Variants in DNM1 observed in about 807,000 individuals in gnomAD.
The protein encoded by DNM1 is dynamin 1.
Under a neutral mutation model 104.6 loss-of-function variants are expected in DNM1, and 29 were observed. The ratio of observed to expected loss-of-function variants is 0.28; its 90% CI spans 0.21 to 0.38. The LOEUF (loss-of-function observed/expected upper bound fraction) is 0.38, where lower values mean the gene tolerates loss of function less well. DNM1 is among the 10% of genes least tolerant of loss of function. DNM1 has a pLI of 1.00. For synonymous variants in DNM1, 445 were observed against 475.8 expected, an observed-to-expected ratio of 0.94 and a Z score of 0.84; for missense variants, 640 against 1,189.4, an observed-to-expected ratio of 0.54 and a Z score of 6.79.
At position 128,218,930 on chromosome 9, in the gene DNM1, CT is replaced by C; in HGVS notation, c.386-118del. The C allele has an allele frequency of 7.5e-7, 1 of 1,326,182 alleles. No individual in the cohort carries two copies. 82.2% of individuals were successfully genotyped at this position (1,326,182 alleles called of 1,614,324 possible). On this transcript the variant is annotated intron_variant, in intron 3 of 21. Coordinates refer to ENST00000372923, the MANE Select transcript of DNM1 (RefSeq NM_004408.4). This position sits in a 1 kb window ranked among gnomAD's most constrained non-coding sequence, Gnocchi z 4.8. ...ACTGCCACTTTCGCCCTGAGATTTC[CT>C]AGTCCCACCCACCTGCCACCCTGCT...
At chr9:128,241,049 T>TGA (rs1836334088) in intron 14 of DNM1, 1 of 152,224 alleles carries the variant, frequency 6.6e-6, no homozygotes, top group African/African-American at 2.4e-5. Flanking sequence ...CAGGAAGGGG[T>TGA]GAGAGAGGCA....
Position 128,220,019 on chromosome 9 carries a change from G to C in DNM1, c.621G>C (p.Leu207=), listed in dbSNP as rs1834849489. The part of the protein sequence containing the change: ...GQRTIGVITK[L]DLMDEGTDAR... The stretch of plus-strand genomic sequence containing the variant: ...GCACCATCGGGGTCATCACCAAGCT[G>C]GACCTGATGGACGAGGGCACAGATG... The change falls in exon 5 of 22, where the codon CTG becomes CTC. Residue 207 remains leucine, a synonymous_variant. Transcript: ENST00000372923. This position sits in a 1 kb window ranked among gnomAD's most constrained non-coding sequence, Gnocchi z 5.2. 6.3e-7 allele frequency: 1 copy of C among 1,599,520 alleles called. No individual in the cohort carries two copies. Among genetic ancestry groups the C allele is most frequent in the Non-Finnish European group, 8.5e-7 (1 of 1,172,746 alleles).
rs540152796 is a variant in DNM1 at position 128,203,673 on chromosome 9, G to A, written c.161+42G>A. The A allele has an allele frequency of 2.0e-6, 3 of 1,471,380 alleles. No homozygotes were observed. Among genetic ancestry groups the A allele is most frequent in the African/African-American group, 1.5e-5 (1 of 68,324 alleles). 91.1% of individuals were successfully genotyped at this position (1,471,380 alleles called of 1,614,324 possible). A position where few individuals can be genotyped will look rare whatever the true frequency, so the allele number is the denominator to read the frequency against. ...CCCAGGCGCCGACCCCCGACCCCCG[G>A]GATCCCTGGAGTCCCCGCCCGGGGC... On this transcript the variant is annotated intron_variant, in intron 1 of 21. Transcript: ENST00000372923. The surrounding 1 kb of genome is among the most constrained non-coding windows in gnomAD (Gnocchi z 5.3).
intron 15 of DNM1, among the ~76,000 whole-genome samples, chr9:128,242,715 G>C (rs369353020): frequency 2.0e-5 from 3 of 152,060 alleles, no homozygotes; most frequent in Admixed American, 6.5e-5. Context: ...AGCCGAGATC[G>C]CACCATTGCA....
Position 128,254,574 on chromosome 9 carries a change from GCCGT to G in DNM1, c.2535-79_2535-76del. On this transcript the variant is annotated intron_variant, in intron 21 of 21. Coordinates refer to ENST00000372923, the MANE Select transcript of DNM1 (RefSeq NM_004408.4). This position sits in a 1 kb window ranked among gnomAD's most constrained non-coding sequence, Gnocchi z 6.1. Reference sequence around the variant, plus strand: ...CACTGCTGCGGCGCGGCCGGCCCCGGCCGTGTGCTGCGCTTGCCTTACCAGCTCT... The same window carrying G: ...CACTGCTGCGGCGCGGCCGGCCCCGGGTGCTGCGCTTGCCTTACCAGCTCT... The G allele has an allele frequency of 1.3e-6, 2 of 1,588,444 alleles. No homozygotes were observed. Among genetic ancestry groups the G allele is most frequent in the Non-Finnish European group, 1.7e-6 (2 of 1,174,126 alleles).
intron 4 of DNM1, among the ~76,000 whole-genome samples, chr9:128,219,608 G>A (rs989976170): frequency 1.3e-5 from 2 of 152,094 alleles, no homozygotes; most frequent in Non-Finnish European, 2.9e-5. Flanking sequence ...GGTTGAGGCT[G>A]CAGTGAGCCC....
chr9:128,209,339 C>T (rs1453957805), intron 1 of DNM1, among the ~76,000 whole-genome samples: 1 of 152,042 alleles, frequency 6.6e-6, no homozygotes, highest in Non-Finnish European at 1.5e-5. Flanking sequence ...AATTGAGTTT[C>T]CCAGGCCCTG....
chr9:128,220,152 G>C lies in DNM1; in HGVS notation c.689-29G>C. The C allele has an allele frequency of 6.2e-7, 1 of 1,613,626 alleles. No individual in the cohort carries two copies. Among genetic ancestry groups the C allele is most frequent in the Admixed American group, 1.7e-5 (1 of 60,006 alleles). ...CCACCCTTCCCCTCCTCTTGAGGCT[G>C]GTTGCCCTGACCTTGATACTGTTCA... On this transcript the variant is annotated intron_variant, in intron 5 of 21. Transcript: ENST00000372923. The surrounding 1 kb of genome is among the most constrained non-coding windows in gnomAD (Gnocchi z 5.2).
chr9:128,250,690 G>T, intron 20 of DNM1, 35 bp from the exon 21 acceptor site: 1 of 1,444,644 alleles, frequency 6.9e-7, no homozygotes, highest in Non-Finnish European at 9.1e-7. Context: ...TGCTCATCTC[G>T]CCTCTCCTTG....
chr9:128,219,925 G>A, intron 4 of DNM1, 63 bp from the exon 5 acceptor site: 2 of 1,325,766 alleles, frequency 1.5e-6, no homozygotes, highest in African/African-American at 1.4e-5. Context: ...GGGAGTGGGA[G>A]TGCATGGAAT....
At chr9:128,217,708 C>A (rs1457419684) in intron 1 of DNM1, among the ~76,000 whole-genome samples, 1 of 152,216 alleles carries the variant, frequency 6.6e-6, no homozygotes, top group South Asian at 2.1e-4. Flanking sequence ...TGAGCCACCG[C>A]GCCCGGCCCA....
chr9:128,247,634 T>A lies in DNM1; in HGVS notation c.1893+148T>A. 1.3e-6 allele frequency: 1 copy of A among 742,306 alleles called. No homozygotes were observed. The allele number at this position is 742,306 out of a possible 1,614,324, so 46.0% of individuals were successfully genotyped here. On this transcript the variant is annotated intron_variant, in intron 17 of 21. Transcript: ENST00000372923. This position sits in a 1 kb window ranked among gnomAD's most constrained non-coding sequence, Gnocchi z 5.1. ...TCCTCCCCCCTACCCACTCTGGGGG[T>A]GGGAACAGAGATAAGTCTCCTGGTA...
Position 128,240,025 on chromosome 9 carries a change from T to C in DNM1, c.1557+29T>C. ...AGTACCAGGACTGGGGCTCTCGGCTTGTGTAGTGAGGGGGCGGAGGGTCCA... is the reference window on the plus strand; with the variant it reads ...AGTACCAGGACTGGGGCTCTCGGCTCGTGTAGTGAGGGGGCGGAGGGTCCA... On this transcript the variant is annotated intron_variant, in intron 14 of 21. Coordinates refer to ENST00000372923, the MANE Select transcript of DNM1 (RefSeq NM_004408.4). The surrounding 1 kb of genome is among the most constrained non-coding windows in gnomAD (Gnocchi z 5.1). 6.2e-7 allele frequency: 1 copy of C among 1,613,944 alleles called. No individual in the cohort carries two copies. The highest frequency in any genetic ancestry group is 8.5e-7 in the Non-Finnish European group (1 of 1,179,890).
Position 128,234,114 on chromosome 9 carries a change from C to A in DNM1, c.1422+7C>A, listed in dbSNP as rs761674210. On this transcript the variant is annotated splice_region_variant and intron_variant, in intron 11 of 21. Transcript: ENST00000372923. ...GGGCCGCACTAAGGAGCAGGTGAGC[C>A]CCGCAGCACCCGGCCTGGCCGCGCC... is the stretch of plus-strand genomic sequence containing the variant. The A allele has an allele frequency of 2.3e-5, 35 of 1,529,836 alleles. No homozygotes were observed. The highest frequency in any genetic ancestry group is 2.2e-4 in the Admixed American group (11 of 49,410). The allele number at this position is 1,529,836 out of a possible 1,614,324, so 94.8% of individuals were successfully genotyped here.
In DNM1 at chr9:128,220,546, C is replaced by T. The variant is rs1834877428; in HGVS notation, c.849+205C>T. Among the ~76,000 whole-genome samples the T allele has an allele frequency of 6.6e-6, 1 of 152,172 alleles. No homozygotes were observed. Reference sequence around the variant, plus strand: ...CTGACCTTTCCCTGTCTGGGACCTGCCAGGGAAGCCCTGGAAGTCCCCAAC... The same window carrying T: ...CTGACCTTTCCCTGTCTGGGACCTGTCAGGGAAGCCCTGGAAGTCCCCAAC... On this transcript the variant is annotated intron_variant, in intron 6 of 21. Transcript: ENST00000372923. The surrounding 1 kb of genome is among the most constrained non-coding windows in gnomAD (Gnocchi z 5.2).
chr9:128,224,128 A>G lies in DNM1; in HGVS notation c.1197-123A>G, dbSNP rs1835191950. 1 of 1,272,032 alleles carries G rather than the reference A, an allele frequency of 7.9e-7. No individual in the cohort carries two copies. The highest frequency in any genetic ancestry group is 1.1e-6 in the Non-Finnish European group (1 of 938,874). 78.8% of individuals were successfully genotyped at this position (1,272,032 alleles called of 1,614,324 possible). A position where few individuals can be genotyped will look rare whatever the true frequency, so the allele number is the denominator to read the frequency against. On this transcript the variant is annotated intron_variant, in intron 9 of 21. Transcript: ENST00000372923. The surrounding 1 kb of genome is among the most constrained non-coding windows in gnomAD (Gnocchi z 4.3). ...TTTACAACTGGGGACACTGAGGCCCAGAGAGGGGTAGTGGAAGGGCCCCTC... is the reference window on the plus strand; with the variant it reads ...TTTACAACTGGGGACACTGAGGCCCGGAGAGGGGTAGTGGAAGGGCCCCTC...
Position 128,248,600 on chromosome 9 carries a change from G to A in DNM1, c.1923G>A (p.Glu641=). ...GDKEKASETE[E]NGSDSFMHSM... is the part of the protein sequence containing the mutation. ...CATGGCAGGCCAGCGAGACCGAGGA[G>A]AATGGCTCCGACAGCTTCATGCATT... is the stretch of plus-strand genomic sequence containing the variant. The change falls in exon 19 of 22, where the codon GAG becomes GAA. Residue 641 remains glutamate (E), a synonymous_variant. Transcript: ENST00000372923. This position sits in a 1 kb window ranked among gnomAD's most constrained non-coding sequence, Gnocchi z 5.6. 6.2e-7 allele frequency: 1 copy of A among 1,613,856 alleles called. No homozygotes were observed. The highest frequency in any genetic ancestry group is 8.5e-7 in the Non-Finnish European group (1 of 1,179,788).
In DNM1 at chr9:128,253,014, G is replaced by A. The variant is rs549885794; in HGVS notation, c.2535-1640G>A. ...CCTCACAGCATGTGTGTGCACGCCCGGGCGTGTGCGTGTGTGTGTCCCCCA... is the reference window on the plus strand; with the variant it reads ...CCTCACAGCATGTGTGTGCACGCCCAGGCGTGTGCGTGTGTGTGTCCCCCA... On this transcript the variant is annotated intron_variant, in intron 21 of 21. Coordinates refer to ENST00000372923, the MANE Select transcript of DNM1 (RefSeq NM_004408.4). The surrounding 1 kb of genome is among the most constrained non-coding windows in gnomAD (Gnocchi z 5.9). 3.2e-5 allele frequency: 42 copies of A among 1,332,312 alleles called. No homozygotes were observed. The highest frequency in any genetic ancestry group is 2.3e-4 in the African/African-American group (16 of 69,554). The allele number at this position is 1,332,312 out of a possible 1,614,324, so 82.5% of individuals were successfully genotyped here.
intron 10 of DNM1, chr9:128,225,928 G>A: frequency 1.1e-6 from 1 of 942,642 alleles, no homozygotes; most frequent in Non-Finnish European, 1.7e-6. Context: ...CCGTGCCCGT[G>A]CCATCCTCTC....
Sources: gnomAD v4.1 joint callset for allele counts (sites outside exome capture counted in the v4.1 genomes callset) on GRCh38, gnomAD v4.1.1 for gene constraint, Gnocchi (gnomAD v3.1) non-coding constraint, MANE v1.5 for transcripts, NCBI Gene and HGNC (gene_info 2026-07-23, HGNC 2026-07-21) for gene names.